MYRIP: variants seen among roughly 807,000 people sequenced by gnomAD.
MYRIP encodes myosin VIIA and Rab interacting protein.
Under a neutral mutation model 98.0 loss-of-function variants are expected in MYRIP, and 49 were observed. The ratio of observed to expected loss-of-function variants is 0.50; its 90% CI spans 0.40 to 0.63. The LOEUF (loss-of-function observed/expected upper bound fraction) is 0.63. MYRIP is among the 30% of genes least tolerant of loss of function. The probability of loss-of-function intolerance (pLI) is 0.00; values close to 1 mark genes in which losing one functional copy is unlikely to be tolerated. For synonymous variants in MYRIP, 404 were observed against 409.5 expected, an observed-to-expected ratio of 0.99 and a Z score of 0.16; for missense variants, 1,004 against 1,058.2, an observed-to-expected ratio of 0.95 and a Z score of 0.71.
intron 3 of MYRIP, among the ~76,000 whole-genome samples, chr3:40,121,786 T>C (rs186286018): frequency 1.3e-5 from 2 of 152,282 alleles, no homozygotes; most frequent in Admixed American, 1.3e-4. Flanking sequence ...TAAAGATTGA[T>C]GCAAAAAATT....
intron 1 of MYRIP, among the ~76,000 whole-genome samples, chr3:39,885,770 A>T (rs149424796): frequency 0.024 from 3,687 of 151,974 alleles, 105 homozygotes; most frequent in East Asian, 0.089. Context: ...CTGATACCCT[A>T]TCTTCCAGTT....
At chr3:40,233,122 T>C (rs1398403731) in intron 11 of MYRIP, 1 of 152,220 alleles carries the variant, frequency 6.6e-6, no homozygotes, top group African/African-American at 2.4e-5. Context: ...CCAGTTCCCC[T>C]GATTAGGAAA....
At chr3:39,837,040 C>A (rs1226826953) in intron 1 of MYRIP, among the ~76,000 whole-genome samples, 1 of 152,062 alleles carries the variant, frequency 6.6e-6, no homozygotes. Flanking sequence ...TCAGCCTGTT[C>A]AATTATTACA....
At chr3:39,995,129 G>A (rs906641706) in intron 2 of MYRIP, among the ~76,000 whole-genome samples, 1 of 152,192 alleles carries the variant, frequency 6.6e-6, no homozygotes, top group African/African-American at 2.4e-5. Context: ...ATATCAGAGT[G>A]CCTCTCCTCC....
intron 1 of MYRIP, among the ~76,000 whole-genome samples, chr3:39,891,479 G>C (rs1307603787): frequency 2.0e-5 from 3 of 152,088 alleles, no homozygotes; most frequent in South Asian, 2.1e-4. Context: ...AAGACTTTCA[G>C]ATTATTTCCA....
At chr3:39,929,716 T>G (rs1944495596) in intron 2 of MYRIP, among the ~76,000 whole-genome samples, 1 of 152,054 alleles carries the variant, frequency 6.6e-6, no homozygotes, top group South Asian at 2.1e-4. Flanking sequence ...AAAAGTTTCA[T>G]CGCTCCAAAA....
intron 3 of MYRIP, among the ~76,000 whole-genome samples, chr3:40,072,732 C>G (rs1293758837): frequency 6.6e-6 from 1 of 152,100 alleles, no homozygotes; most frequent in Non-Finnish European, 1.5e-5. Context: ...GAATAGATAT[C>G]AGAGAACTCT....
chr3:39,978,424 A>G (rs1285565151), intron 2 of MYRIP, among the ~76,000 whole-genome samples: 2 of 152,194 alleles, frequency 1.3e-5, no homozygotes, highest in Non-Finnish European at 2.9e-5. Context: ...AGTGTCTCCC[A>G]TAGCAGTCTC....
rs138487614 is a variant in MYRIP, at chr3:40,198,342, T to C, written c.1665+7879T>C. ...TGCTTTGTTTTATGGTGAGCATTTA[T>C]CTTAATATTTCTGGACCAAGATTGG... is the stretch of plus-strand genomic sequence containing the variant. On this transcript the variant is annotated intron_variant, in intron 10 of 16. Coordinates refer to ENST00000302541, the MANE Select transcript of MYRIP (RefSeq NM_015460.4). 1.1e-4 allele frequency among the ~76,000 whole-genome samples: 17 copies of C among 152,316 alleles called. No homozygotes were observed. The East Asian group carries it at 3.3e-3, about 29-fold the overall frequency.
chr3:40,177,386 G>A (rs991948647), intron 8 of MYRIP, among the ~76,000 whole-genome samples: 3 of 152,148 alleles, frequency 2.0e-5, no homozygotes. Context: ...AGGCTGTGGA[G>A]GGCCCTAAAC....
chr3:39,866,606 T>C (rs1318693856), intron 1 of MYRIP, among the ~76,000 whole-genome samples: 1 of 151,818 alleles, frequency 6.6e-6, no homozygotes, highest in Non-Finnish European at 1.5e-5. Flanking sequence ...GAGTACAAAA[T>C]CCTAGAAATA....
intron 3 of MYRIP, among the ~76,000 whole-genome samples, chr3:40,077,539 AC>A (rs201634011): frequency 1.3e-5 from 2 of 152,288 alleles, no homozygotes; most frequent in East Asian, 3.9e-4. Context: ...CCAAGGCCCC[AC>A]CAGAGTAGCT....
At chr3:40,112,642 A>G (rs1235985525) in intron 3 of MYRIP, among the ~76,000 whole-genome samples, 1 of 152,186 alleles carries the variant, frequency 6.6e-6, no homozygotes, top group Non-Finnish European at 1.5e-5. Context: ...GAAGTCATAG[A>G]TGTCAGAGGA....
At chr3:40,088,999 G>C (rs796181766) in intron 3 of MYRIP, among the ~76,000 whole-genome samples, 3 of 152,080 alleles carry the variant, frequency 2.0e-5, no homozygotes, top group African/African-American at 4.8e-5. Context: ...CAGAGGGTGT[G>C]GGGGAGGGAG....
intron 4 of MYRIP, among the ~76,000 whole-genome samples, chr3:40,159,343 A>G (rs557907044): frequency 2.6e-4 from 40 of 152,310 alleles, no homozygotes; most frequent in South Asian, 2.5e-3. Flanking sequence ...TCTGGCTTGT[A>G]GAGTTTCTGC....
At chr3:40,148,154 T>A (rs1436325169) in intron 3 of MYRIP, among the ~76,000 whole-genome samples, 1 of 152,228 alleles carries the variant, frequency 6.6e-6, no homozygotes, top group Non-Finnish European at 1.5e-5. Flanking sequence ...GCATCATTAT[T>A]TTTATCCTTT....
intron 1 of MYRIP, among the ~76,000 whole-genome samples, chr3:39,877,724 C>T (rs950327301): frequency 2.0e-5 from 3 of 152,046 alleles, no homozygotes; most frequent in African/African-American, 7.2e-5. Flanking sequence ...GAGGAGTACC[C>T]GGCCATGTGA....
At chr3:40,113,318 TG>T (rs1949199699) in intron 3 of MYRIP, among the ~76,000 whole-genome samples, 1 of 152,130 alleles carries the variant, frequency 6.6e-6, no homozygotes. Context: ...TAATTTTTTG[TG>T]TTTTCAGTAG....
chr3:39,956,851 C>G (rs181432306), intron 2 of MYRIP, among the ~76,000 whole-genome samples: 2 of 151,710 alleles, frequency 1.3e-5, no homozygotes, highest in Non-Finnish European at 2.9e-5. Context: ...GGGGATATCA[C>G]CACCGATCCC....
Sources: gnomAD v4.1 joint callset for allele counts (sites outside exome capture counted in the v4.1 genomes callset) on GRCh38, gnomAD v4.1.1 for gene constraint, MANE v1.5 for transcripts, NCBI Gene and HGNC (gene_info 2026-07-23, HGNC 2026-07-21) for gene names.